Variants in TAFA2 observed in about 807,000 individuals in gnomAD.
TAFA2 encodes the protein TAFA chemokine like family member 2, also known as chemokine-like protein TAFA-2.
A neutral mutation model predicts 18.8 loss-of-function variants in TAFA2; 7 were observed. That is an observed-to-expected ratio of 0.37 (90% CI 0.21 to 0.70). The LOEUF (loss-of-function observed/expected upper bound fraction) is 0.70, where lower values mean the gene tolerates loss of function less well. TAFA2 is among the 30% of genes least tolerant of loss of function. TAFA2 has a pLI of 0.53. For missense variants in TAFA2, 122 were observed against 158.1 expected (o/e 0.77, Z 1.23); for synonymous variants, 60 against 54.2 (o/e 1.11, Z -0.47).
intron 1 of TAFA2, among the ~76,000 whole-genome samples, chr12:61,985,547 T>C (rs1879783139): frequency 6.6e-6 from 1 of 152,204 alleles, no homozygotes; most frequent in South Asian, 2.1e-4. Context: ...GTTTCTGATA[T>C]TTACTTGTGA....
At chr12:61,740,667 G>A (rs1439090610) in intron 4 of TAFA2, among the ~76,000 whole-genome samples, 1 of 151,788 alleles carries the variant, frequency 6.6e-6, no homozygotes, top group East Asian at 1.9e-4. Flanking sequence ...CTCACTTGTA[G>A]CACTTAAATT....
At chr12:61,737,474 C>G (rs976428865) in intron 4 of TAFA2, among the ~76,000 whole-genome samples, 3 of 151,580 alleles carry the variant, frequency 2.0e-5, no homozygotes, top group Non-Finnish European at 4.4e-5. Context: ...TTCAGAGAAT[C>G]AGATGGGTAA....
chr12:61,784,031 T>C (rs1284879985), intron 2 of TAFA2, among the ~76,000 whole-genome samples: 1 of 151,540 alleles, frequency 6.6e-6, no homozygotes, highest in Non-Finnish European at 1.5e-5. Context: ...GGCTACTTTA[T>C]GAAAATAGCA....
At chr12:61,876,708 A>T (rs950906567) in intron 1 of TAFA2, among the ~76,000 whole-genome samples, 8 of 148,826 alleles carry the variant, frequency 5.4e-5, no homozygotes, top group South Asian at 2.1e-4. Context: ...ACAAACCATT[A>T]AAAAAAAAAG....
chr12:62,160,893 T>C (rs2062402728), intron 1 of TAFA2, among the ~76,000 whole-genome samples: 2 of 152,078 alleles, frequency 1.3e-5, no homozygotes, highest in Admixed American at 6.6e-5. Flanking sequence ...CCCTGAGCTG[T>C]GGGAGAGACT....
At chr12:62,023,163 T>C (rs1469501512) in intron 1 of TAFA2, among the ~76,000 whole-genome samples, 1 of 152,144 alleles carries the variant, frequency 6.6e-6, no homozygotes, top group Non-Finnish European at 1.5e-5. Context: ...TATTTCGGCC[T>C]GTTTTCCAAT....
chr12:62,257,046 A>T (rs2062942780), intron 1 of TAFA2, among the ~76,000 whole-genome samples: 1 of 152,136 alleles, frequency 6.6e-6, no homozygotes. Context: ...GTTCCTGAAT[A>T]TCAAAGACAG....
At chr12:61,916,207 T>C (rs1876814558) in intron 1 of TAFA2, among the ~76,000 whole-genome samples, 1 of 152,172 alleles carries the variant, frequency 6.6e-6, no homozygotes, top group Admixed American at 6.5e-5. Context: ...AAGAAGAGAA[T>C]ATATGTAATA....
chr12:61,992,303 T>C (rs1011977603), intron 1 of TAFA2, among the ~76,000 whole-genome samples: 3 of 152,188 alleles, frequency 2.0e-5, no homozygotes, highest in Non-Finnish European at 4.4e-5. Context: ...TTTCAGCAAA[T>C]GGAAACTCCA....
At chr12:61,794,822 T>C (rs1347978669) in intron 2 of TAFA2, among the ~76,000 whole-genome samples, 1 of 151,970 alleles carries the variant, frequency 6.6e-6, no homozygotes, top group African/African-American at 2.4e-5. Context: ...ATTTTTGCAA[T>C]CTACTCATCT....
intron 1 of TAFA2, among the ~76,000 whole-genome samples, chr12:61,941,865 G>C (rs1267782920): frequency 6.6e-6 from 1 of 152,152 alleles, no homozygotes; most frequent in African/African-American, 2.4e-5. Flanking sequence ...AGGCGGCAGC[G>C]AGGCTGGGGG....
At chr12:62,223,444 A>T (rs1176484793) in intron 1 of TAFA2, among the ~76,000 whole-genome samples, 1 of 152,192 alleles carries the variant, frequency 6.6e-6, no homozygotes, top group Non-Finnish European at 1.5e-5. Flanking sequence ...TCCCAAATGA[A>T]GTGATTTTTG....
chr12:62,200,280 T>C (rs956399905), intron 1 of TAFA2, among the ~76,000 whole-genome samples: 4 of 152,244 alleles, frequency 2.6e-5, no homozygotes, highest in African/African-American at 9.6e-5. Context: ...TTGTCAATTT[T>C]TCCTTTTGTT....
At chr12:62,006,930 CTTA>C (rs1383002865) in intron 1 of TAFA2, among the ~76,000 whole-genome samples, 1 of 152,160 alleles carries the variant, frequency 6.6e-6, no homozygotes. Flanking sequence ...CAACTATAAA[CTTA>C]TTATAATATT....
intron 1 of TAFA2, among the ~76,000 whole-genome samples, chr12:62,159,020 C>A (rs953455200): frequency 1.2e-4 from 19 of 152,228 alleles, no homozygotes; most frequent in African/African-American, 4.6e-4. Flanking sequence ...ATAACAAAAT[C>A]TTTAATTAAA....
At chr12:62,225,896 T>C (rs2062784148) in intron 1 of TAFA2, among the ~76,000 whole-genome samples, 1 of 152,208 alleles carries the variant, frequency 6.6e-6, no homozygotes, top group Non-Finnish European at 1.5e-5. Flanking sequence ...TTAAAATCTG[T>C]GGAGGGTAAT....
At chr12:61,970,717 C>T (rs754903654) in intron 1 of TAFA2, among the ~76,000 whole-genome samples, 14 of 149,414 alleles carry the variant, frequency 9.4e-5, no homozygotes, top group East Asian at 2.0e-4. Flanking sequence ...AAATAATCAC[C>T]GAGAAGTAGT....
At chr12:62,225,156 T>A (rs1407343016) in intron 1 of TAFA2, among the ~76,000 whole-genome samples, 1 of 152,070 alleles carries the variant, frequency 6.6e-6, no homozygotes, top group Non-Finnish European at 1.5e-5. Flanking sequence ...ATCAATTAAT[T>A]AAGACAATGT....
intron 4 of TAFA2, among the ~76,000 whole-genome samples, chr12:61,740,556 A>G (rs1868399025): frequency 6.6e-6 from 1 of 152,028 alleles, no homozygotes; most frequent in Admixed American, 6.6e-5. Flanking sequence ...AGGGGAGTGA[A>G]GGATGAAAAG....
Sources: allele counts gnomAD v4.1 joint callset (sites outside exome capture counted in the v4.1 genomes callset), GRCh38; gene constraint gnomAD v4.1.1; transcripts MANE v1.5; gene names NCBI Gene and HGNC (gene_info 2026-07-23, HGNC 2026-07-21).